The following SPG11 variants were observed in gnomAD, a reference collection of about 807,000 sequenced individuals.
SPG11 encodes the protein SPG11 vesicle trafficking associated, spatacsin, also known as spatacsin.
A neutral mutation model predicts 274.0 loss-of-function variants in SPG11; 222 were observed. The observed-to-expected ratio is 0.81, with a 90% confidence interval of 0.73 to 0.91. SPG11 has a LOEUF of 0.91. Ranked by LOEUF, SPG11 falls within the 40% of genes least tolerant of loss-of-function variation. SPG11 has a pLI of 0.00. For missense variants in SPG11, 3,114 were observed against 2,872.7 expected (o/e 1.08, Z -1.92); for synonymous variants, 1,144 against 1,039.7 (o/e 1.10, Z -1.93).
chr15:44,609,218 G>A (rs913400968), intron 18 of SPG11, among the ~76,000 whole-genome samples: 3 of 151,802 alleles, frequency 2.0e-5, no homozygotes, highest in South Asian at 2.1e-4. Flanking sequence ...TGCAAGCTCC[G>A]CCTCCCGGGT....
At chr15:44,599,541 G>C (rs1281131028) in intron 21 of SPG11, among the ~76,000 whole-genome samples, 1 of 152,006 alleles carries the variant, frequency 6.6e-6, no homozygotes, top group Non-Finnish European at 1.5e-5. Context: ...GTTGTGATCC[G>C]CCCACCTTGG....
chr15:44,660,400 A>T (rs767499936), intron 2 of SPG11, 32 bp downstream of exon 2: 26 of 1,599,156 alleles, frequency 1.6e-5, no homozygotes, highest in Non-Finnish European at 2.2e-5. Flanking sequence ...CACAAATTTA[A>T]ATATGCTGAA....
In SPG11 at chr15:44,648,929, A is replaced by C. The variant is rs1350552448; in HGVS notation, c.1539T>G (p.Thr513=). The change falls in exon 7 of 40, where the codon ACT becomes ACG. Residue 513 remains threonine, a synonymous_variant. Coordinates refer to ENST00000261866, the MANE Select transcript of SPG11 (RefSeq NM_025137.4). ...NRLMIHGSAS[T]VDTLCHLNGW... ...CATTGAGATGACAAAGAGTGTCCACAGTGCTGGCACTTCCATGGATCATGA... is the reference window on the plus strand; with the variant it reads ...CATTGAGATGACAAAGAGTGTCCACCGTGCTGGCACTTCCATGGATCATGA... The C allele has an allele frequency of 6.2e-7, 1 of 1,614,056 alleles. No individual in the cohort carries two copies. Among genetic ancestry groups the C allele is most frequent in the African/African-American group, 1.3e-5 (1 of 74,952 alleles).
rs574683832 is a variant in SPG11, at chr15:44,585,781, G to A, written c.4976C>T (p.Thr1659Ile). 3 of 1,614,010 alleles carry A rather than the reference G, an allele frequency of 1.9e-6. No individual in the cohort carries two copies. Among genetic ancestry groups the A allele is most frequent in the African/African-American group, 1.3e-5 (1 of 74,994 alleles). ...CTCAATGCTGTAGCTGGTAATAATTGTATGATTAATGGCTATGGATGTATC... is the reference window on the plus strand; with the variant it reads ...CTCAATGCTGTAGCTGGTAATAATTATATGATTAATGGCTATGGATGTATC... ...LKDTSIAINH[T>I]IITSYSIENL... is the part of the protein sequence containing the mutation. The change falls in exon 29 of 40, where the codon ACA becomes ATA. Residue 1659 changes from threonine (T) to isoleucine (I), a missense_variant. Physicochemically the swap from Thr to Ile is moderately conservative, Grantham distance 89. Transcript: ENST00000261866.
At chr15:44,601,018 G>A (rs554606114) in intron 20 of SPG11, among the ~76,000 whole-genome samples, 6 of 152,198 alleles carry the variant, frequency 3.9e-5, no homozygotes, top group Admixed American at 2.6e-4. Flanking sequence ...CAGATGTGGC[G>A]GTGCATGCCT....
At chr15:44,624,872 C>T (rs756072646) in intron 11 of SPG11, among the ~76,000 whole-genome samples, 1 of 151,986 alleles carries the variant, frequency 6.6e-6, no homozygotes, top group East Asian at 1.9e-4. Context: ...CGGTGGCTCA[C>T]GCCTGTAATC....
chr15:44,650,272 A>C (rs1186574614), intron 6 of SPG11, among the ~76,000 whole-genome samples: 1 of 152,176 alleles, frequency 6.6e-6, no homozygotes, highest in Admixed American at 6.5e-5. Flanking sequence ...TAATCCTAGC[A>C]CTTTGGGAGG....
At chr15:44,578,377 C>T (rs562546899) in intron 30 of SPG11, among the ~76,000 whole-genome samples, 12 of 152,032 alleles carry the variant, frequency 7.9e-5, no homozygotes, top group African/African-American at 1.4e-4. Context: ...CTCAGGAGGG[C>T]GGAGTAGACC....
chr15:44,609,742 T>A (rs1034064369), intron 18 of SPG11, among the ~76,000 whole-genome samples: 1 of 151,738 alleles, frequency 6.6e-6, no homozygotes, highest in Admixed American at 6.6e-5. Context: ...CAGCTTTTTT[T>A]TTTTTTTGAG....
chr15:44,616,269 C>T (rs954487807), intron 15 of SPG11, among the ~76,000 whole-genome samples: 1 of 150,444 alleles, frequency 6.6e-6, no homozygotes, highest in Non-Finnish European at 1.5e-5. Context: ...GCAGTGGTGC[C>T]ACCTCAGCTC....
At chr15:44,600,683 T>C in intron 20 of SPG11, 51 bp from the exon 21 acceptor site, 1 of 1,586,216 alleles carries the variant, frequency 6.3e-7, no homozygotes, top group Non-Finnish European at 8.6e-7. Context: ...CCATAATTAA[T>C]TTCAGATTTG....
chr15:44,599,688 C>G (rs2083134262), intron 21 of SPG11, among the ~76,000 whole-genome samples: 1 of 152,078 alleles, frequency 6.6e-6, no homozygotes. Flanking sequence ...TACTTGAATA[C>G]TTTACCATAA....
chr15:44,657,276 C>A lies in SPG11; in HGVS notation c.688G>T (p.Gly230Cys). Residue 230 changes from glycine to cysteine, a missense_variant, in exon 4 of 40, where the codon GGT (glycine) becomes TGT (cysteine). Transcript: ENST00000261866. The part of the protein sequence containing the change: ...GWIYIFDVVD[G>C]TYVAHVDLAL... ...AAATCCACATGAGCTACATATGTACCATCCACAACATCAAAAATGTCTTTT... is the reference window on the plus strand; with the variant it reads ...AAATCCACATGAGCTACATATGTACAATCCACAACATCAAAAATGTCTTTT... 1 of 1,614,118 alleles carries A rather than the reference C, an allele frequency of 6.2e-7. No individual in the cohort carries two copies. The highest frequency in any genetic ancestry group is 1.1e-5 in the South Asian group (1 of 91,062).
chr15:44,650,537 C>G (rs2141103023), intron 6 of SPG11, among the ~76,000 whole-genome samples: 1 of 151,392 alleles, frequency 6.6e-6, no homozygotes, highest in South Asian at 2.1e-4. Flanking sequence ...GCCTGTGGTC[C>G]CAGCTACTCT....
chr15:44,634,134 T>C (rs1449052021), intron 7 of SPG11, among the ~76,000 whole-genome samples: 1 of 151,756 alleles, frequency 6.6e-6, no homozygotes, highest in African/African-American at 2.4e-5. Context: ...CCACTGCGCC[T>C]GGCCCAATTT....
At chr15:44,588,256 C>T (rs2082817580) in intron 28 of SPG11, among the ~76,000 whole-genome samples, 1 of 151,128 alleles carries the variant, frequency 6.6e-6, no homozygotes, top group Non-Finnish European at 1.5e-5. Flanking sequence ...AGTCAATCAG[C>T]AACAAGTTTA....
intron 34 of SPG11, 58 bp from the exon 35 acceptor site, chr15:44,569,563 C>A: frequency 7.7e-7 from 1 of 1,292,418 alleles, no homozygotes; most frequent in South Asian, 1.3e-5. Context: ...GTTCTCTGAG[C>A]CAGACAACTA....
chr15:44,568,567 G>A lies in SPG11; in HGVS notation c.6585+831C>T, dbSNP rs114352590. The stretch of plus-strand genomic sequence containing the variant: ...GTCACAGAGGACACTGAGGACACAC[G>A]GGCTTGCAGAGCCCAAGACTTAAAC... On this transcript the variant is annotated intron_variant, in intron 35 of 39. Coordinates refer to ENST00000261866, the MANE Select transcript of SPG11 (RefSeq NM_025137.4). Among the ~76,000 whole-genome samples, 1,194 of 152,310 alleles carry A rather than the reference G, an allele frequency of 7.8e-3. 16 individuals carry two copies. Among genetic ancestry groups the A allele is most frequent in the African/African-American group, 0.025 (1,028 of 41,574 alleles).
chr15:44,662,631 G>A (rs1241524715), intron 1 of SPG11, among the ~76,000 whole-genome samples: 1 of 147,016 alleles, frequency 6.8e-6, no homozygotes. Flanking sequence ...TCCAGCCTGG[G>A]CGACAGCGAC....
Sources: allele counts gnomAD v4.1 joint callset (sites outside exome capture counted in the v4.1 genomes callset), GRCh38; gene constraint gnomAD v4.1.1; transcripts MANE v1.5; gene names NCBI Gene and HGNC (gene_info 2026-07-23, HGNC 2026-07-21).